Variants in EPHB6 observed in about 807,000 individuals in gnomAD.
EPHB6 encodes EPH receptor B6.
In EPHB6, 51 loss-of-function variants were observed where a neutral mutation model predicts 107.0. The ratio of observed to expected loss-of-function variants is 0.48; its 90% CI spans 0.38 to 0.60. The LOEUF is 0.60. EPHB6 is among the 20% of genes least tolerant of loss of function. The pLI is 0.00. For missense variants in EPHB6, 1,141 were observed against 1,355.5 expected, an observed-to-expected ratio of 0.84 and a Z score of 2.48; for synonymous variants, 553 against 549.0, an observed-to-expected ratio of 1.01 and a Z score of -0.10.
In EPHB6 at chr7:142,865,495, A is replaced by C; in HGVS notation, c.970A>C (p.Lys324Gln). The change falls in exon 8 of 20, where the codon AAG becomes CAG. Residue 324 changes from lysine to glutamine, a missense_variant. Lys to Gln is a moderately conservative substitution (Grantham distance 53). This residue lies in a region of EPHB6 where 304 missense variants were observed against 295.7 expected (regional missense o/e 1.03). Coordinates refer to ENST00000652003, the MANE Select transcript of EPHB6 (RefSeq NM_004445.6). ...CTCAGCCTGCCCACGGGGGCTCTAT[A>C]AGGCTTCTGCTGGGAATGCTCCCTG... ...ACQACPRGLY[K>Q]ASAGNAPCSP... 2 of 1,613,300 alleles carry C rather than the reference A, an allele frequency of 1.2e-6. No individual in the cohort carries two copies. Among genetic ancestry groups the C allele is most frequent in the Non-Finnish European group, 1.7e-6 (2 of 1,179,968 alleles).
rs1335961602 is a variant in EPHB6, at chr7:142,855,569, T to A, written c.-432+184T>A. Among the ~76,000 whole-genome samples the A allele has an allele frequency of 6.6e-6, 1 of 152,130 alleles. No individual in the cohort carries two copies. Among genetic ancestry groups the A allele is most frequent in the Non-Finnish European group, 1.5e-5 (1 of 67,998 alleles). On this transcript the variant is annotated intron_variant, in intron 1 of 19. Transcript: ENST00000652003. This position sits in a 1 kb window ranked among gnomAD's most constrained non-coding sequence, Gnocchi z 4.2. ...ATGAAGGGTGAGGAAACGGTCAACC[T>A]GGCTACTCCCCTCTCACTCCACTCT...
chr7:142,862,212 A>G (rs1296162413), intron 3 of EPHB6, 79 bp downstream of exon 3: 1 of 152,068 alleles, frequency 6.6e-6, no homozygotes, highest in Admixed American at 6.5e-5. Context: ...ATGACCTAAA[A>G]TTTCCTCCCA....
chr7:142,865,796 A>G (rs1247460739), intron 8 of EPHB6, among the ~76,000 whole-genome samples, 164 bp from the exon 9 acceptor site: 1 of 86,096 alleles, frequency 1.2e-5, no homozygotes, highest in Non-Finnish European at 2.3e-5. Context: ...TCCCTGACCC[A>G]TCCTTCCCTG....
chr7:142,864,095 G>GCTCT lies in EPHB6; in HGVS notation c.295_296insCTCT (p.Gly99AlafsTer39). On this transcript the variant is annotated frameshift_variant, in exon 7 of 20. Coordinates refer to ENST00000652003, the MANE Select transcript of EPHB6 (RefSeq NM_004445.6). LOFTEE classifies it high-confidence loss of function. Reference sequence around the variant, plus strand: ...GCAGACACACTTTGTGGAGCGGCGCGGGGCCCAGAGGGCGCACATTCGACT... The same window carrying GCTCT: ...GCAGACACACTTTGTGGAGCGGCGCGCTCTGGGCCCAGAGGGCGCACATTCGACT... 6.2e-7 allele frequency: 1 copy of GCTCT among 1,614,012 alleles called. No individual in the cohort carries two copies. The highest frequency in any genetic ancestry group is 8.5e-7 in the Non-Finnish European group (1 of 1,180,040).
Position 142,868,667 on chromosome 7 carries a change from G to A in EPHB6, c.2214G>A (p.Val738=). Residue 738 remains valine (V), a synonymous_variant, in exon 15 of 20, where the codon GTG becomes GTA. Coordinates refer to ENST00000652003, the MANE Select transcript of EPHB6 (RefSeq NM_004445.6). This position sits in a 1 kb window ranked among gnomAD's most constrained non-coding sequence, Gnocchi z 4.2. ...CCAACATCCTGCGGCTGGAGGGCGT[G>A]GTCACCAAGAGCCGACCCCTCATGG... ...QHPNILRLEG[V]VTKSRPLMVL... 6.2e-7 allele frequency: 1 copy of A among 1,613,888 alleles called. No individual in the cohort carries two copies. Among genetic ancestry groups the A allele is most frequent in the Non-Finnish European group, 8.5e-7 (1 of 1,180,028 alleles).
chr7:142,866,635 A>C lies in EPHB6; in HGVS notation c.1587+30A>C. 1 of 1,613,654 alleles carries C rather than the reference A, an allele frequency of 6.2e-7. No homozygotes were observed. The highest frequency in any genetic ancestry group is 8.5e-7 in the Non-Finnish European group (1 of 1,179,984). On this transcript the variant is annotated intron_variant, in intron 10 of 19. Transcript: ENST00000652003. This position sits in a 1 kb window ranked among gnomAD's most constrained non-coding sequence, Gnocchi z 5.2. ...GCAGGAGGAGTGGGGGTTCCGCAGT[A>C]GGGCTGGTAGGAGCTCATAGGCCTC... is the stretch of plus-strand genomic sequence containing the variant.
chr7:142,865,824 T>G (rs987335349), intron 8 of EPHB6, 136 bp from the exon 9 acceptor site: 2 of 1,031,682 alleles, frequency 1.9e-6, no homozygotes, highest in African/African-American at 3.4e-5. Flanking sequence ...ATCCTGCCTC[T>G]CTGGGCTACC....
intron 3 of EPHB6, 131 bp from the exon 4 acceptor site, chr7:142,862,625 C>T (rs1802894442): frequency 6.5e-6 from 1 of 153,018 alleles, no homozygotes. Context: ...CACTGCCCCT[C>T]TGAAATTTCT....
rs556939149 is a variant in EPHB6 at position 142,864,001 on chromosome 7, C to G, written c.201C>G (p.Arg67=). The change falls in exon 7 of 20, where the codon CGC becomes CGG. Residue 67 remains arginine, a synonymous_variant. Coordinates refer to ENST00000652003, the MANE Select transcript of EPHB6 (RefSeq NM_004445.6). ...TGAGTGTTCTGGACGACCAGCGACG[C>G]CTGACTCGGACCTTTGAGGCATGTC... ...DEVSVLDDQR[R]LTRTFEACHV... 1.4e-5 allele frequency: 23 copies of G among 1,614,222 alleles called. No homozygotes were observed. In the Admixed American group the frequency reaches 2.8e-4, roughly 20 times the overall value.
At position 142,869,169 on chromosome 7, in the gene EPHB6, C is replaced by T. The variant is rs759330448; in HGVS notation, c.2460+22C>T. The T allele has an allele frequency of 6.2e-7, 1 of 1,608,838 alleles. No individual in the cohort carries two copies. Among genetic ancestry groups the T allele is most frequent in the South Asian group, 1.1e-5 (1 of 91,038 alleles). On this transcript the variant is annotated intron_variant, in intron 16 of 19. Transcript: ENST00000652003. This position sits in a 1 kb window ranked among gnomAD's most constrained non-coding sequence, Gnocchi z 4.5. ...TCAGGTGAGAGCACAGCCTTGGGGA[C>T]ACAGCCTGGGGCCTTGTGGCATGCC...
At position 142,868,801 on chromosome 7, in the gene EPHB6, G is replaced by A. The variant is rs1794747605; in HGVS notation, c.2286+62G>A. 1.2e-6 allele frequency: 2 copies of A among 1,612,606 alleles called. No individual in the cohort carries two copies. Among genetic ancestry groups the A allele is most frequent in the South Asian group, 2.2e-5 (2 of 91,016 alleles). ...GTCCAGGAAAGCTTCCAGGAGACGA[G>A]GTCCTGTATCTTTGCTTCTTACCAC... is the stretch of plus-strand genomic sequence containing the variant. On this transcript the variant is annotated intron_variant, in intron 15 of 19. Coordinates refer to ENST00000652003, the MANE Select transcript of EPHB6 (RefSeq NM_004445.6). This position sits in a 1 kb window ranked among gnomAD's most constrained non-coding sequence, Gnocchi z 4.2.
rs749244307 is a variant in EPHB6, at chr7:142,866,441, G to A, written c.1463-40G>A. 2 of 1,613,472 alleles carry A rather than the reference G, an allele frequency of 1.2e-6. No individual in the cohort carries two copies. Among genetic ancestry groups the A allele is most frequent in the South Asian group, 1.1e-5 (1 of 91,070 alleles). ...CCCTCAAGGCTGATCCTGCTCCCAG[G>A]GACTCCTATCCCCATAATAATTTTC... is the stretch of plus-strand genomic sequence containing the variant. On this transcript the variant is annotated intron_variant, in intron 9 of 19. Transcript: ENST00000652003. This position sits in a 1 kb window ranked among gnomAD's most constrained non-coding sequence, Gnocchi z 5.2.
rs1158864231 is a variant in EPHB6, at chr7:142,866,253, G to A, written c.1399G>A (p.Val467Met). The A allele has an allele frequency of 3.1e-6, 5 of 1,613,920 alleles. No individual in the cohort carries two copies. In the Admixed American group the frequency reaches 5.0e-5, roughly 16 times the overall value. Residue 467 changes from valine (V) to methionine (M), a missense_variant, in exon 9 of 20, where the codon GTG (valine) becomes ATG (methionine). By Grantham distance (21) the Val-to-Met change is conservative (BLOSUM62 1). Transcript: ENST00000652003. This position sits in a 1 kb window ranked among gnomAD's most constrained non-coding sequence, Gnocchi z 5.2. ...YILEVQAVNGVSELSPDPPQA... is the reference protein window; with the variant it reads ...YILEVQAVNGMSELSPDPPQA... ...CTTAGAGGTGCAGGCTGTTAATGGG[G>A]TGTCTGAGCTCAGCCCTGACCCTCC...
rs200244040 is a variant in EPHB6 at position 142,868,575 on chromosome 7, G to C, written c.2122G>C (p.Gly708Arg). 1.4e-5 allele frequency: 22 copies of C among 1,613,442 alleles called. No individual in the cohort carries two copies. In the African/African-American group the frequency reaches 1.7e-4, roughly 13 times the overall value. Residue 708 changes from glycine to arginine, a missense_variant, in exon 15 of 20, where the codon GGG becomes CGG. Transcript: ENST00000652003. The surrounding 1 kb of genome is among the most constrained non-coding windows in gnomAD (Gnocchi z 4.2). ...TGTGGCCATCCAGGCCCTGTGGGCC[G>C]GGGGCGCCGAAAGCCTGCAGATGAC... ...QTVAIQALWA[G>R]GAESLQMTFL...
chr7:142,867,479 G>T lies in EPHB6; in HGVS notation c.1751-129G>T, dbSNP rs1247571342. ...GTGTGTGTTGTGTGTCCCTGTGCAT[G>T]GATGTGGGAGGTTTGGGGCATGCGC... On this transcript the variant is annotated intron_variant, in intron 11 of 19. Transcript: ENST00000652003. The surrounding 1 kb of genome is among the most constrained non-coding windows in gnomAD (Gnocchi z 5.3). The T allele has an allele frequency of 1.8e-5, 14 of 763,224 alleles. No homozygotes were observed. In the African/African-American group the frequency reaches 2.2e-4, roughly 12 times the overall value. 47.3% of individuals were successfully genotyped at this position (763,224 alleles called of 1,614,324 possible).
At position 142,863,339 on chromosome 7, in the gene EPHB6, G is replaced by A. The variant is rs1802941474; in HGVS notation, c.100+12G>A. ...TCTGGCTCTGGAAGGTAAGAGGGAG[G>A]GGAGACAGGAGAACCCAGACCTGCC... is the stretch of plus-strand genomic sequence containing the variant. On this transcript the variant is annotated intron_variant, in intron 5 of 19. Transcript: ENST00000652003. 6.2e-7 allele frequency: 1 copy of A among 1,613,042 alleles called. No individual in the cohort carries two copies. Among genetic ancestry groups the A allele is most frequent in the African/African-American group, 1.3e-5 (1 of 74,836 alleles).
chr7:142,856,516 A>G (rs7779406), intron 1 of EPHB6, among the ~76,000 whole-genome samples: 131,814 of 152,114 alleles, frequency 0.87, 58,226 homozygotes, highest in East Asian at 0.99. Flanking sequence ...TGGGCTGAGC[A>G]TGGGAAAGGC....
At chr7:142,864,830 A>G (rs1484589901) in intron 7 of EPHB6, 81 bp downstream of exon 7, 1 of 1,537,328 alleles carries the variant, frequency 6.5e-7, no homozygotes, top group Non-Finnish European at 9.0e-7. Flanking sequence ...ACACCCCAAA[A>G]TTCATTTTAT....
In EPHB6 at chr7:142,870,959, G is replaced by C; in HGVS notation, c.*55G>C. ...ACACTGGTCCGAGAAGGGACATGTG[G>C]GACGTGAGCCGGGCTCCAACAGCCT... On this transcript the variant is annotated 3_prime_UTR_variant, in exon 20 of 20. Coordinates refer to ENST00000652003, the MANE Select transcript of EPHB6 (RefSeq NM_004445.6). 1.9e-6 allele frequency: 3 copies of C among 1,542,968 alleles called. No individual in the cohort carries two copies. The highest frequency in any genetic ancestry group is 2.6e-6 in the Non-Finnish European group (3 of 1,136,030).
Sources: gnomAD v4.1 joint callset for allele counts (sites outside exome capture counted in the v4.1 genomes callset) on GRCh38, gnomAD v4.1.1 for gene constraint, gnomAD v4.1.1 regional missense constraint, Gnocchi (gnomAD v3.1) non-coding constraint, MANE v1.5 for transcripts, NCBI Gene and HGNC (gene_info 2026-07-23, HGNC 2026-07-21) for gene names.